ACBD6: variants seen among roughly 807,000 people sequenced by gnomAD.
ACBD6 encodes acyl-CoA-binding domain-containing protein 6.
Under a neutral mutation model 37.2 loss-of-function variants are expected in ACBD6, and 28 were observed. That is an observed-to-expected ratio of 0.75 (90% confidence interval 0.56 to 1.03). ACBD6 has a LOEUF of 1.03. ACBD6 is among the 50% of genes least tolerant of loss of function. The pLI is 0.00. For synonymous variants in ACBD6, 113 were observed against 126.8 expected, an observed-to-expected ratio of 0.89 and a Z score of 0.73; for missense variants, 340 against 337.4, an observed-to-expected ratio of 1.01 and a Z score of -0.06.
rs769534175 is a variant in ACBD6 at position 180,367,580 on chromosome 1, C to A, written c.663+29936G>T. 6.6e-5 allele frequency among the ~76,000 whole-genome samples: 10 copies of A among 152,054 alleles called. No homozygotes were observed. The East Asian group carries it at 1.9e-3, about 29-fold the overall frequency. On this transcript the variant is annotated intron_variant, in intron 6 of 7. Transcript: ENST00000367595. ...AAGCAGACCCCAGTGTCTATTGTTC[C>A]CTTCCTTGTGTTCATGAATTCTCAT...
Position 180,313,264 on chromosome 1 carries a change from G to A in ACBD6, c.694+1428C>T, listed in dbSNP as rs565728500. 2.0e-5 allele frequency among the ~76,000 whole-genome samples: 3 copies of A among 152,298 alleles called. No individual in the cohort carries two copies. The South Asian group carries it at 6.2e-4, about 32-fold the overall frequency. On this transcript the variant is annotated intron_variant, in intron 7 of 7. Transcript: ENST00000367595. Reference sequence around the variant, plus strand: ...TTTCTCCTGCTGGTTTTGGTAAACAGGTTATGCTAGACAAATTCATAAGTG... The same window carrying A: ...TTTCTCCTGCTGGTTTTGGTAAACAAGTTATGCTAGACAAATTCATAAGTG...
intron 6 of ACBD6, among the ~76,000 whole-genome samples, chr1:180,373,578 T>A (rs1281424942): frequency 6.6e-6 from 1 of 152,134 alleles, no homozygotes; most frequent in African/African-American, 2.4e-5. Context: ...TAACCCATAA[T>A]CCATTGGGAC....
At chr1:180,283,866 C>G (rs142343030), downstream of ACBD6, among the ~76,000 whole-genome samples, 44 of 152,214 alleles carry the variant, frequency 2.9e-4, no homozygotes, top group African/African-American at 1.0e-3. Context: ...GGATTTTGGC[C>G]TTTTGGATTA....
At chr1:180,435,903 G>A in intron 3 of ACBD6, 1 of 1,388,916 alleles carries the variant, frequency 7.2e-7, no homozygotes, top group South Asian at 1.2e-5. Flanking sequence ...GTCAATGGTG[G>A]TGGCCACAAG....
intron 5 of ACBD6, among the ~76,000 whole-genome samples, chr1:180,399,766 C>A (rs1647268349): frequency 6.6e-6 from 1 of 152,098 alleles, no homozygotes; most frequent in Non-Finnish European, 1.5e-5. Flanking sequence ...ATAAAATATT[C>A]TACAGGTCCA....
At chr1:180,303,932 G>C (rs1008647066) in intron 7 of ACBD6, among the ~76,000 whole-genome samples, 2 of 150,774 alleles carry the variant, frequency 1.3e-5, no homozygotes, top group African/African-American at 4.8e-5. Context: ...TTCATCCCTG[G>C]GATGCAAGGC....
intron 4 of ACBD6, among the ~76,000 whole-genome samples, chr1:180,421,806 T>C (rs1487038726): frequency 2.0e-5 from 3 of 152,206 alleles, no homozygotes; most frequent in African/African-American, 7.2e-5. Context: ...TGGCTGCATG[T>C]ACATCTTCTT....
chr1:180,274,357 A>G (rs1314290705), intron 10 of ACBD6: 2 of 1,614,062 alleles, frequency 1.2e-6, no homozygotes, highest in African/African-American at 2.7e-5. Flanking sequence ...CATCCTCCAT[A>G]TCGTCCCTGC....
chr1:180,431,968 G>A (rs901015403), intron 3 of ACBD6, among the ~76,000 whole-genome samples: 5 of 152,240 alleles, frequency 3.3e-5, no homozygotes, highest in African/African-American at 9.6e-5. Flanking sequence ...CACTTTGGGA[G>A]GCTGAGGCAG....
At chr1:180,417,803 AT>A (rs1648160807) in intron 4 of ACBD6, among the ~76,000 whole-genome samples, 1 of 152,314 alleles carries the variant, frequency 6.6e-6, no homozygotes, top group African/African-American at 2.4e-5. Flanking sequence ...TCTTTCTAGG[AT>A]AAAAGCTGGC....
downstream of ACBD6, among the ~76,000 whole-genome samples, chr1:180,286,230 A>G (rs1166396253): frequency 6.6e-6 from 1 of 152,160 alleles, no homozygotes; most frequent in Non-Finnish European, 1.5e-5. Flanking sequence ...TGTTAAGTTG[A>G]TGGCTGTTTT....
chr1:180,376,833 C>G (rs1653455182), intron 6 of ACBD6, among the ~76,000 whole-genome samples: 1 of 151,786 alleles, frequency 6.6e-6, no homozygotes, highest in African/African-American at 2.4e-5. Context: ...TTTCAGATAC[C>G]CCCCAAATAA....
At chr1:180,338,031 C>CCAAA (rs1651815492) in intron 6 of ACBD6, among the ~76,000 whole-genome samples, 1 of 152,066 alleles carries the variant, frequency 6.6e-6, no homozygotes, top group Non-Finnish European at 1.5e-5. Flanking sequence ...ACAAGAGGAT[C>CCAAA]CAAACAATGG....
chr1:180,460,657 G>A (rs1490441757), intron 3 of ACBD6, among the ~76,000 whole-genome samples: 1 of 152,210 alleles, frequency 6.6e-6, no homozygotes, highest in Non-Finnish European at 1.5e-5. Flanking sequence ...ACGGACTGGA[G>A]TGGATACCTA....
chr1:180,307,318 T>TACA (rs1381858534), intron 7 of ACBD6, among the ~76,000 whole-genome samples: 9 of 152,032 alleles, frequency 5.9e-5, no homozygotes, highest in Admixed American at 4.6e-4. Context: ...CAATGGAAGC[T>TACA]ACATAGATAG....
intron 5 of ACBD6, among the ~76,000 whole-genome samples, chr1:180,401,659 T>C (rs916305202): frequency 2.6e-5 from 4 of 151,510 alleles, no homozygotes; most frequent in Admixed American, 6.6e-5. Context: ...GTGGTGCGCG[T>C]GCCTGTAATC....
chr1:180,334,733 A>C (rs1651633675), intron 6 of ACBD6, among the ~76,000 whole-genome samples: 1 of 152,176 alleles, frequency 6.6e-6, no homozygotes, highest in South Asian at 2.1e-4. Flanking sequence ...AGGAAGTGCA[A>C]ACCCATGGCA....
At chr1:180,490,845 T>C (rs1201918180) in intron 3 of ACBD6, among the ~76,000 whole-genome samples, 2 of 149,364 alleles carry the variant, frequency 1.3e-5, no homozygotes, top group African/African-American at 4.9e-5. Context: ...TGTGCACCTA[T>C]AGTCCCAGAG....
intron 3 of ACBD6, among the ~76,000 whole-genome samples, chr1:180,479,076 T>C (rs1200019573): frequency 1.3e-5 from 2 of 152,190 alleles, no homozygotes; most frequent in Non-Finnish European, 2.9e-5. Context: ...GAGGCTGCAA[T>C]GAGCTAGGAT....
Sources: allele counts gnomAD v4.1 joint callset (sites outside exome capture counted in the v4.1 genomes callset), GRCh38; gene constraint gnomAD v4.1.1; transcripts MANE v1.5; gene names NCBI Gene and HGNC (gene_info 2026-07-23, HGNC 2026-07-21).